Variants in CINP observed in about 807,000 individuals in gnomAD.
The protein encoded by CINP is cyclin-dependent kinase 2-interacting protein.
In CINP, 11 loss-of-function variants were observed where a neutral mutation model predicts 20.5. That is an observed-to-expected ratio of 0.54 (90% CI 0.34 to 0.89). The LOEUF (loss-of-function observed/expected upper bound fraction) is 0.89, where lower values mean the gene tolerates loss of function less well. Among genes scored for constraint, CINP ranks in the 40% least tolerant of loss-of-function variants. The pLI is 0.02. For missense variants in CINP, 213 were observed against 251.0 expected (o/e 0.85, Z 1.02); for synonymous variants, 108 against 102.1 (o/e 1.06, Z -0.35).
At chr14:102,349,886 C>G (rs772764752) in intron 4 of CINP, 33 bp downstream of exon 4, 1 of 1,612,582 alleles carries the variant, frequency 6.2e-7, no homozygotes, top group South Asian at 1.1e-5. Flanking sequence ...AACCTTTACC[C>G]TCCTGAAAAT....
In CINP at chr14:102,348,555, C is replaced by A. The variant is rs774801743; in HGVS notation, c.*2G>T. 4 of 1,607,896 alleles carry A rather than the reference C, an allele frequency of 2.5e-6. No individual in the cohort carries two copies. The highest frequency in any genetic ancestry group is 3.4e-6 in the Non-Finnish European group (4 of 1,178,254). The stretch of plus-strand genomic sequence containing the variant: ...GCCAGTGTCCGCAGCCGTCTCAGGA[C>A]GTCAGAGAGCTCGGTGGCCTGTCTC... On this transcript the variant is annotated 3_prime_UTR_variant, in exon 5 of 5. Transcript: ENST00000216756.
At chr14:102,349,459 T>C (rs1224750038) in intron 4 of CINP, among the ~76,000 whole-genome samples, 1 of 152,116 alleles carries the variant, frequency 6.6e-6, no homozygotes, top group African/African-American at 2.4e-5. Context: ...AGTAACCCTT[T>C]AAGAAGCGCC....
At chr14:102,361,791 G>A (rs1330227057) in intron 1 of CINP, among the ~76,000 whole-genome samples, 3 of 152,190 alleles carry the variant, frequency 2.0e-5, no homozygotes, top group Non-Finnish European at 4.4e-5. Context: ...ATACAATGGG[G>A]AGTGAGCAAT....
intron 4 of CINP, 79 bp from the exon 5 acceptor site, chr14:102,348,838 G>T: frequency 7.4e-7 from 1 of 1,347,174 alleles, no homozygotes; most frequent in Non-Finnish European, 1.0e-6. Flanking sequence ...CATTTTAACA[G>T]CTCTTGATTA....
chr14:102,355,000 C>T (rs530044881), intron 3 of CINP, among the ~76,000 whole-genome samples: 6 of 149,794 alleles, frequency 4.0e-5, no homozygotes, highest in South Asian at 4.2e-4. Flanking sequence ...ACCTGGGAGG[C>T]GGAGTTTGCA....
chr14:102,356,019 G>T, intron 2 of CINP, 122 bp from the exon 3 acceptor site: 1 of 947,954 alleles, frequency 1.1e-6, no homozygotes, highest in Non-Finnish European at 1.5e-6. Flanking sequence ...CATAAGCATT[G>T]TTCTTTCATA....
chr14:102,350,593 A>G (rs532894072), intron 3 of CINP, among the ~76,000 whole-genome samples: 79 of 151,542 alleles, frequency 5.2e-4, no homozygotes, highest in Non-Finnish European at 9.9e-4. Context: ...GGCTCCAGCA[A>G]TCCTCCCGCC....
chr14:102,355,736 G>A (rs1886983723), intron 3 of CINP, 32 bp downstream of exon 3: 2 of 1,610,672 alleles, frequency 1.2e-6, no homozygotes, highest in East Asian at 4.5e-5. Context: ...CAGTGACAGT[G>A]ACCACAAGTG....
Position 102,348,710 on chromosome 14 carries a change from C to A in CINP, c.486G>T (p.Leu162=), listed in dbSNP as rs1228036414. The change falls in exon 5 of 5, where the codon CTG becomes CTT. Residue 162 remains leucine (L), a synonymous_variant. Transcript: ENST00000216756. ...CAAGCTCCTTGGCCACCGTGCGCTT[C>A]AGGAGCAGCTCCTTCCTGTACATCT... ...LLEMYRKELL[L]KRTVAKELAH... is the part of the protein sequence containing the mutation. The A allele has an allele frequency of 6.2e-7, 1 of 1,613,778 alleles. No individual in the cohort carries two copies. Among genetic ancestry groups the A allele is most frequent in the African/African-American group, 1.3e-5 (1 of 74,932 alleles).
intron 1 of CINP, among the ~76,000 whole-genome samples, chr14:102,359,957 G>C (rs143482099): frequency 6.6e-6 from 1 of 152,042 alleles, no homozygotes; most frequent in Non-Finnish European, 1.5e-5. Flanking sequence ...CCTGACTCCC[G>C]AGTACTTCCA....
At chr14:102,354,125 A>G (rs1051242404) in intron 3 of CINP, among the ~76,000 whole-genome samples, 14 of 152,182 alleles carry the variant, frequency 9.2e-5, no homozygotes, top group Admixed American at 4.6e-4. Context: ...GTTTATGGGT[A>G]AGCTTCAGTT....
chr14:102,352,897 C>G (rs1023233269), intron 3 of CINP, among the ~76,000 whole-genome samples: 2 of 151,954 alleles, frequency 1.3e-5, no homozygotes, highest in African/African-American at 2.4e-5. Context: ...GATCCACCTG[C>G]CTCGGCCTCC....
chr14:102,348,481 G>T lies in CINP; in HGVS notation c.*76C>A. The T allele has an allele frequency of 7.4e-7, 1 of 1,353,018 alleles. No individual in the cohort carries two copies. The highest frequency in any genetic ancestry group is 1.4e-5 in the African/African-American group (1 of 69,838). The allele number at this position is 1,353,018 out of a possible 1,614,324, so 83.8% of individuals were successfully genotyped here. A position where few individuals can be genotyped will look rare whatever the true frequency, so the allele number is the denominator to read the frequency against. The stretch of plus-strand genomic sequence containing the variant: ...TGATCCTGGGGTCTGATCCAGGCCT[G>T]CGGCACTGGGTCCTAGGCAGACTGT... On this transcript the variant is annotated 3_prime_UTR_variant, in exon 5 of 5. Coordinates refer to ENST00000216756, the MANE Select transcript of CINP (RefSeq NM_032630.3).
intron 3 of CINP, 99 bp downstream of exon 3, chr14:102,355,669 G>T: frequency 7.4e-7 from 1 of 1,353,390 alleles, no homozygotes; most frequent in Non-Finnish European, 1.0e-6. Flanking sequence ...AGAGGAGACT[G>T]AGAAGGAGTA....
chr14:102,360,623 T>A (rs1387429575), intron 1 of CINP, among the ~76,000 whole-genome samples: 1 of 152,192 alleles, frequency 6.6e-6, no homozygotes, highest in Non-Finnish European at 1.5e-5. Context: ...GGAATAAAAA[T>A]AGTATCTATT....
intron 1 of CINP, among the ~76,000 whole-genome samples, chr14:102,361,501 C>T (rs934446202): frequency 2.0e-5 from 3 of 152,078 alleles, no homozygotes; most frequent in East Asian, 1.9e-4. Context: ...ATCAGCCGGG[C>T]GTGGTGGCGG....
chr14:102,350,382 CCTTTTTTTTTTTTT>C (rs913228895), intron 3 of CINP, among the ~76,000 whole-genome samples: 32 of 149,612 alleles, frequency 2.1e-4, no homozygotes, highest in Non-Finnish European at 3.8e-4. Context: ...GCTCTTGCTG[CCTTTTTTTTTTTTT>C]CTTTTTTTTT....
Position 102,355,158 on chromosome 14 carries a change from G to A in CINP, c.306+610C>T, listed in dbSNP as rs537254037. ...ATTTACGCATATATTATCTATGGCT[G>A]TTTAGTCCTATGTGGCAGAGATGAG... is the stretch of plus-strand genomic sequence containing the variant. On this transcript the variant is annotated intron_variant, in intron 3 of 4. Transcript: ENST00000216756. 5.3e-5 allele frequency among the ~76,000 whole-genome samples: 8 copies of A among 152,226 alleles called. No homozygotes were observed. In the South Asian group the frequency reaches 1.7e-3, roughly 31 times the overall value.
chr14:102,358,619 T>C (rs1451425248), intron 2 of CINP, among the ~76,000 whole-genome samples: 1 of 151,970 alleles, frequency 6.6e-6, no homozygotes, highest in East Asian at 1.9e-4. Context: ...AGGCAGAAGT[T>C]AGAGTGAGCC....
Sources: gnomAD v4.1 joint callset for allele counts (sites outside exome capture counted in the v4.1 genomes callset) on GRCh38, gnomAD v4.1.1 for gene constraint, MANE v1.5 for transcripts, NCBI Gene and HGNC (gene_info 2026-07-23, HGNC 2026-07-21) for gene names.